ZBTB20: variants seen among roughly 807,000 people sequenced by gnomAD.
ZBTB20 encodes the protein zinc finger and BTB domain-containing protein 20.
Under a neutral mutation model 56.9 loss-of-function variants are expected in ZBTB20, and 9 were observed. The observed-to-expected ratio is 0.16, with a 90% CI of 0.10 to 0.28. The LOEUF (loss-of-function observed/expected upper bound fraction) is 0.28, where lower values mean the gene tolerates loss of function less well. Ranked by LOEUF, ZBTB20 falls within the 10% of genes least tolerant of loss-of-function variation. The pLI is 1.00. For missense variants in ZBTB20, 655 were observed against 1,003.0 expected, an observed-to-expected ratio of 0.65 and a Z score of 4.69; for synonymous variants, 417 against 420.7, an observed-to-expected ratio of 0.99 and a Z score of 0.11.
At chr3:114,623,164 T>A (rs763814276) in intron 6 of ZBTB20, among the ~76,000 whole-genome samples, 1 of 152,072 alleles carries the variant, frequency 6.6e-6, no homozygotes, top group Non-Finnish European at 1.5e-5. Context: ...AGGGACCTGA[T>A]GGTAAAGGAT....
intron 5 of ZBTB20, among the ~76,000 whole-genome samples, chr3:114,778,879 A>G (rs1346835031): frequency 6.6e-6 from 1 of 152,222 alleles, no homozygotes; most frequent in Non-Finnish European, 1.5e-5. Flanking sequence ...ATTTTTAAAT[A>G]AAATTAAAAA....
At chr3:114,906,748 C>A (rs2075334000) in intron 3 of ZBTB20, among the ~76,000 whole-genome samples, 1 of 151,312 alleles carries the variant, frequency 6.6e-6, no homozygotes, top group Admixed American at 6.6e-5. Context: ...ATCAAGTAAC[C>A]AGGATAATAC....
chr3:114,725,625 A>G (rs1029501553), intron 5 of ZBTB20, among the ~76,000 whole-genome samples: 2 of 152,238 alleles, frequency 1.3e-5, no homozygotes, highest in Non-Finnish European at 2.9e-5. Flanking sequence ...TCTAAGGAGA[A>G]ATTTAAACAT....
intron 4 of ZBTB20, among the ~76,000 whole-genome samples, chr3:114,880,923 T>C (rs558742540): frequency 1.3e-5 from 2 of 152,242 alleles, no homozygotes; most frequent in African/African-American, 4.8e-5. Flanking sequence ...TCAATGGTGA[T>C]TTTCTTGTCT....
At chr3:114,870,000 G>A (rs945176385) in intron 4 of ZBTB20, among the ~76,000 whole-genome samples, 5 of 152,108 alleles carry the variant, frequency 3.3e-5, no homozygotes, top group African/African-American at 1.2e-4. Context: ...CTCAGCAGTA[G>A]GGTGGCACCA....
chr3:114,732,588 A>G (rs547781667), intron 5 of ZBTB20, among the ~76,000 whole-genome samples: 1 of 152,110 alleles, frequency 6.6e-6, no homozygotes, highest in Non-Finnish European at 1.5e-5. Context: ...TCCTTTTCCT[A>G]TTCATTCTGG....
Position 114,322,354 on chromosome 3 carries a change from T to A in ZBTB20, c.*16651A>T, listed in dbSNP as rs2078925300. The A allele has an allele frequency of 6.6e-6, 1 of 152,232 alleles. No individual in the cohort carries two copies. Among genetic ancestry groups the A allele is most frequent in the Admixed American group, 6.5e-5 (1 of 15,280 alleles). 9.4% of individuals were successfully genotyped at this position (152,232 alleles called of 1,614,324 possible). A position where few individuals can be genotyped will look rare whatever the true frequency, so the allele number is the denominator to read the frequency against. On this transcript the variant is annotated 3_prime_UTR_variant, in exon 12 of 12. Transcript: ENST00000675478. ...AAAGATAGTTCAGTACGTCCTCTGA[T>A]GACAAGGTCTCCTGTAAATACCATT... is the stretch of plus-strand genomic sequence containing the variant.
intron 1 of ZBTB20, among the ~76,000 whole-genome samples, chr3:115,119,088 T>C (rs1434646173): frequency 6.6e-6 from 1 of 152,190 alleles, no homozygotes; most frequent in Non-Finnish European, 1.5e-5. Context: ...CCACTTAACC[T>C]AACCAACTCT....
chr3:114,371,389 CA>C (rs1478239879), intron 10 of ZBTB20, among the ~76,000 whole-genome samples: 1 of 152,128 alleles, frequency 6.6e-6, no homozygotes, highest in African/African-American at 2.4e-5. Flanking sequence ...GTGACAGGCA[CA>C]AAAGATATAT....
At chr3:114,760,732 T>C (rs1327648071) in intron 5 of ZBTB20, among the ~76,000 whole-genome samples, 2 of 152,324 alleles carry the variant, frequency 1.3e-5, no homozygotes, top group East Asian at 3.9e-4. Context: ...ACTTTGTGTG[T>C]TTCAGTTCTC....
intron 3 of ZBTB20, among the ~76,000 whole-genome samples, chr3:114,973,618 A>G (rs1429341224): frequency 2.0e-5 from 3 of 152,194 alleles, no homozygotes; most frequent in Non-Finnish European, 4.4e-5. Flanking sequence ...GCTATCACAC[A>G]TGCTTAAGTG....
chr3:114,633,410 A>G (rs1188537642), intron 6 of ZBTB20, among the ~76,000 whole-genome samples: 1 of 151,660 alleles, frequency 6.6e-6, no homozygotes, highest in Non-Finnish European at 1.5e-5. Flanking sequence ...TTTCACTACA[A>G]TTTTTTTTTC....
At chr3:114,610,114 G>T (rs1310177013) in intron 6 of ZBTB20, among the ~76,000 whole-genome samples, 1 of 152,196 alleles carries the variant, frequency 6.6e-6, no homozygotes, top group East Asian at 1.9e-4. Flanking sequence ...AACAGCAGCA[G>T]CAAGAACATG....
intron 6 of ZBTB20, among the ~76,000 whole-genome samples, chr3:114,664,201 A>AT (rs1247740541): frequency 6.6e-6 from 1 of 152,152 alleles, no homozygotes; most frequent in South Asian, 2.1e-4. Context: ...AAAACCTGAG[A>AT]TTTTGAACCA....
chr3:114,369,583 A>G (rs1235241605), intron 10 of ZBTB20, among the ~76,000 whole-genome samples: 2 of 152,244 alleles, frequency 1.3e-5, no homozygotes, highest in African/African-American at 4.8e-5. Flanking sequence ...CAGTAGAAGT[A>G]TATCAGATAC....
At chr3:114,761,451 C>A (rs2068431440) in intron 5 of ZBTB20, among the ~76,000 whole-genome samples, 1 of 152,158 alleles carries the variant, frequency 6.6e-6, no homozygotes, top group African/African-American at 2.4e-5. Context: ...TCATTCTACA[C>A]AATGAGACCA....
chr3:114,484,858 C>T (rs373160048), intron 7 of ZBTB20, among the ~76,000 whole-genome samples: 24 of 152,026 alleles, frequency 1.6e-4, no homozygotes, highest in East Asian at 1.5e-3. Context: ...CACGCACGCA[C>T]GTGTATGGAA....
chr3:115,078,613 G>GTGTGTATATATATATATA (rs769630983), intron 1 of ZBTB20, among the ~76,000 whole-genome samples: 2 of 137,828 alleles, frequency 1.5e-5, no homozygotes, highest in African/African-American at 5.7e-5. Context: ...GTGTGTGTGT[G>GTGTGTATATATATATATA]TATATATATA....
chr3:114,711,400 T>C (rs2064069098), intron 5 of ZBTB20, among the ~76,000 whole-genome samples: 2 of 152,202 alleles, frequency 1.3e-5, no homozygotes, highest in Non-Finnish European at 2.9e-5. Flanking sequence ...CCCAGTCACA[T>C]AAACTTTAAA....
Sources: allele counts gnomAD v4.1 joint callset (sites outside exome capture counted in the v4.1 genomes callset), GRCh38; gene constraint gnomAD v4.1.1; transcripts MANE v1.5; gene names NCBI Gene and HGNC (gene_info 2026-07-23, HGNC 2026-07-21).